SPSB1: variants seen among roughly 807,000 people sequenced by gnomAD.
The protein encoded by SPSB1 is SPRY domain-containing SOCS box protein 1.
Under a neutral mutation model 21.2 loss-of-function variants are expected in SPSB1, and 8 were observed. The ratio of observed to expected loss-of-function variants is 0.38; its 90% CI spans 0.22 to 0.68. The LOEUF (loss-of-function observed/expected upper bound fraction) is 0.68. Among genes scored for constraint, SPSB1 ranks in the 30% least tolerant of loss-of-function variants. The pLI, the probability that SPSB1 is intolerant of heterozygous loss-of-function variation, is 0.53. For missense variants in SPSB1, 242 were observed against 377.8 expected (o/e 0.64, Z 2.98); for synonymous variants, 169 against 161.7 (o/e 1.05, Z -0.34).
intron 1 of SPSB1, among the ~76,000 whole-genome samples, chr1:9,322,390 C>A (rs771213035): frequency 2.0e-5 from 3 of 152,160 alleles, no homozygotes; most frequent in Non-Finnish European, 4.4e-5. Flanking sequence ...AAAGTCCGTG[C>A]CTCGCTCTCA....
At chr1:9,336,414 T>C (rs11121373) in intron 1 of SPSB1, among the ~76,000 whole-genome samples, 115,120 of 151,896 alleles carry the variant, frequency 0.76, 46,115 homozygotes, top group Non-Finnish European at 0.9. Context: ...TTAGTAGAGA[T>C]GGGGTTTCTC....
intron 2 of SPSB1, among the ~76,000 whole-genome samples, chr1:9,359,932 G>A (rs1007166672): frequency 1.3e-5 from 2 of 152,154 alleles, no homozygotes; most frequent in African/African-American, 2.4e-5. Context: ...AGAAAGGGAA[G>A]CAGCAAGGTG....
chr1:9,356,200 G>C lies in SPSB1; in HGVS notation c.309G>C (p.Thr103=), dbSNP rs34876467. ...GTGGGCTGCACGTGTGGCAGATCAC[G>C]TGGGCCATGAGACAGCGGGGCACAC... is the stretch of plus-strand genomic sequence containing the variant. ...YTRGLHVWQI[T]WAMRQRGTHA... Residue 103 remains threonine, a synonymous_variant, in exon 2 of 3, where the codon ACG becomes ACC. Coordinates refer to ENST00000328089, the MANE Select transcript of SPSB1 (RefSeq NM_025106.4). The surrounding 1 kb of genome is among the most constrained non-coding windows in gnomAD (Gnocchi z 7.4). The C allele has an allele frequency of 3.1e-6, 5 of 1,590,828 alleles. No individual in the cohort carries two copies. The highest frequency in any genetic ancestry group is 4.3e-6 in the Non-Finnish European group (5 of 1,166,556).
intron 1 of SPSB1, among the ~76,000 whole-genome samples, chr1:9,354,283 G>C (rs1031267441): frequency 6.6e-6 from 1 of 152,102 alleles, no homozygotes; most frequent in Non-Finnish European, 1.5e-5. Flanking sequence ...AGTAACAAGC[G>C]ACCCAGCGTG....
rs1557467359 is a variant in SPSB1 at position 9,361,177 on chromosome 1, T to TC, written c.694+4592_694+4593insC. Among the ~76,000 whole-genome samples the TC allele has an allele frequency of 1.2e-3, 169 of 143,338 alleles. 7 individuals are homozygous for TC. The highest frequency in any genetic ancestry group is 3.9e-3 in the African/African-American group (150 of 38,260). 94.0% of individuals were successfully genotyped at this position (143,338 alleles called of 152,430 possible). ...TTTTCTTTTTTTTTTTTTTTTTTTT[T>TC]TTTTTTAGAGATGGGGTCTCACTAT... is the stretch of plus-strand genomic sequence containing the variant. On this transcript the variant is annotated intron_variant, in intron 2 of 2. Coordinates refer to ENST00000328089, the MANE Select transcript of SPSB1 (RefSeq NM_025106.4).
chr1:9,326,917 G>A (rs1336754701), intron 1 of SPSB1, among the ~76,000 whole-genome samples: 1 of 152,110 alleles, frequency 6.6e-6, no homozygotes, highest in Non-Finnish European at 1.5e-5. Flanking sequence ...TTAGGTGGAG[G>A]CGGGGACCCT....
intron 1 of SPSB1, among the ~76,000 whole-genome samples, chr1:9,350,361 T>C (rs1640236801): frequency 6.6e-6 from 1 of 152,212 alleles, no homozygotes; most frequent in South Asian, 2.1e-4. Flanking sequence ...TTGTGGGGCT[T>C]GGCTGAGACA....
At chr1:9,342,614 C>T (rs562600619) in intron 1 of SPSB1, among the ~76,000 whole-genome samples, 9 of 152,310 alleles carry the variant, frequency 5.9e-5, no homozygotes, top group Admixed American at 3.9e-4. Flanking sequence ...ACCCTGACAT[C>T]GGTTCTCCCA....
At chr1:9,359,281 G>C (rs1356250243) in intron 2 of SPSB1, among the ~76,000 whole-genome samples, 2 of 152,222 alleles carry the variant, frequency 1.3e-5, no homozygotes, top group Non-Finnish European at 2.9e-5. Context: ...ACATTGGAGG[G>C]TGGGGCACTG....
At chr1:9,347,522 A>G (rs1557461721) in intron 1 of SPSB1, among the ~76,000 whole-genome samples, 1 of 152,220 alleles carries the variant, frequency 6.6e-6, no homozygotes, top group Non-Finnish European at 1.5e-5. Context: ...CTCTGTACCT[A>G]CAAACATAAA....
chr1:9,331,949 A>G (rs1312793371), intron 1 of SPSB1, among the ~76,000 whole-genome samples: 3 of 152,182 alleles, frequency 2.0e-5, no homozygotes, highest in African/African-American at 4.8e-5. Context: ...CTATTTGACT[A>G]TTGTGTAATA....
intron 1 of SPSB1, among the ~76,000 whole-genome samples, chr1:9,335,501 CA>C (rs61620058): frequency 0.53 from 74,099 of 139,382 alleles, 19,266 homozygotes; most frequent in Non-Finnish European, 0.6. Context: ...GTCTCTGTCT[CA>C]AAAAAAAAAA....
rs1639403142 is a variant in SPSB1 at position 9,305,961 on chromosome 1, C to T, written c.-150+12890C>T. 6.6e-6 allele frequency among the ~76,000 whole-genome samples: 1 copy of T among 152,020 alleles called. No individual in the cohort carries two copies. Among genetic ancestry groups the T allele is most frequent in the Non-Finnish European group, 1.5e-5 (1 of 68,010 alleles). On this transcript the variant is annotated intron_variant, in intron 1 of 2. Coordinates refer to ENST00000328089, the MANE Select transcript of SPSB1 (RefSeq NM_025106.4). This position sits in a 1 kb window ranked among gnomAD's most constrained non-coding sequence, Gnocchi z 4.8. ...AATGAGTGCAGAGAGGCAGGAGGGC[C>T]CACAGACCTGGGGACATTTGTGCAA...
At chr1:9,353,457 T>C (rs1234013726) in intron 1 of SPSB1, among the ~76,000 whole-genome samples, 4 of 152,102 alleles carry the variant, frequency 2.6e-5, no homozygotes, top group Non-Finnish European at 4.4e-5. Flanking sequence ...AATGGGATTT[T>C]CCTGGGAGAT....
In SPSB1 at chr1:9,369,367, C is replaced by G. The variant is rs1640626720; in HGVS notation, c.*1792C>G. The G allele has an allele frequency of 6.6e-6, 1 of 152,172 alleles. No homozygotes were observed. Among genetic ancestry groups the G allele is most frequent in the African/African-American group, 2.4e-5 (1 of 41,406 alleles). 9.4% of individuals were successfully genotyped at this position (152,172 alleles called of 1,614,324 possible). On this transcript the variant is annotated 3_prime_UTR_variant, in exon 3 of 3. Coordinates refer to ENST00000328089, the MANE Select transcript of SPSB1 (RefSeq NM_025106.4). The stretch of plus-strand genomic sequence containing the variant: ...ACAGATGCCGGGTGACCCTCTAGCT[C>G]TCTCTGCATCTCCCACCCCCCGACA...
intron 1 of SPSB1, among the ~76,000 whole-genome samples, chr1:9,322,997 C>A (rs1485021449): frequency 6.6e-6 from 1 of 152,184 alleles, no homozygotes; most frequent in Non-Finnish European, 1.5e-5. Context: ...GCCGCCAGCA[C>A]TGACCCAGAT....
rs922097850 is a variant in SPSB1, at chr1:9,366,564, T to C, written c.695-884T>C. ...ACACTGGGTGTCCCCTCTGTGCCTG[T>C]GTGTCCTCAGTTCTTTTTTTTTTTT... On this transcript the variant is annotated intron_variant, in intron 2 of 2. Coordinates refer to ENST00000328089, the MANE Select transcript of SPSB1 (RefSeq NM_025106.4). Among the ~76,000 whole-genome samples the C allele has an allele frequency of 1.4e-4, 21 of 150,410 alleles. No homozygotes were observed. The South Asian group carries it at 4.2e-3, about 30-fold the overall frequency.
rs1353378167 is a variant in SPSB1 at position 9,356,867 on chromosome 1, T to TGAATAGATGGATAGATGAGTGAA, written c.694+283_694+305dup. 6.6e-5 allele frequency among the ~76,000 whole-genome samples: 10 copies of TGAATAGATGGATAGATGAGTGAA among 151,022 alleles called. No homozygotes were observed. The highest frequency in any genetic ancestry group is 1.3e-4 in the Admixed American group (2 of 15,174). ...AATGATTGGTTGGATGGATGGATGA[T>TGAATAGATGGATAGATGAGTGAA]GAATAGATGGATAGATGAGTGAATA... On this transcript the variant is annotated intron_variant, in intron 2 of 2. Coordinates refer to ENST00000328089, the MANE Select transcript of SPSB1 (RefSeq NM_025106.4). This position sits in a 1 kb window ranked among gnomAD's most constrained non-coding sequence, Gnocchi z 7.4.
rs533578748 is a variant in SPSB1, at chr1:9,348,578, C to G, written c.-149-7165C>G. ...CATTCATTTCCAGGCTTCCTTCCCT[C>G]TGTATCTGCAGACCTGGCTGCCCCC... On this transcript the variant is annotated intron_variant, in intron 1 of 2. Transcript: ENST00000328089. This position sits in a 1 kb window ranked among gnomAD's most constrained non-coding sequence, Gnocchi z 4.8. Among the ~76,000 whole-genome samples the G allele has an allele frequency of 2.0e-5, 3 of 152,234 alleles. No homozygotes were observed. In the East Asian group the frequency reaches 5.8e-4, roughly 29 times the overall value.
Sources: allele counts gnomAD v4.1 joint callset (sites outside exome capture counted in the v4.1 genomes callset), GRCh38; gene constraint gnomAD v4.1.1; non-coding constraint Gnocchi (gnomAD v3.1); transcripts MANE v1.5; gene names NCBI Gene and HGNC (gene_info 2026-07-23, HGNC 2026-07-21).